The following COL19A1 variants were observed in gnomAD, a reference collection of about 807,000 sequenced individuals.
COL19A1 encodes the protein collagen alpha-1(XIX) chain.
COL19A1 carries 159 observed loss-of-function variants against 190.2 expected under a neutral mutation model. That is an observed-to-expected ratio of 0.84 (90% CI 0.73 to 0.95). The LOEUF (loss-of-function observed/expected upper bound fraction) is 0.95, where lower values mean the gene tolerates loss of function less well. Among genes scored for constraint, COL19A1 ranks in the 40% least tolerant of loss-of-function variants. COL19A1 has a pLI of 0.00. For missense variants in COL19A1, 1,418 were observed against 1,431.9 expected (o/e 0.99, Z 0.16); for synonymous variants, 509 against 458.9 (o/e 1.11, Z -1.39).
chr6:70,184,100 G>A (rs1766358284), intron 44 of COL19A1, among the ~76,000 whole-genome samples: 1 of 152,162 alleles, frequency 6.6e-6, no homozygotes, highest in Admixed American at 6.5e-5. Context: ...CAAAAACCAT[G>A]ATTATACATT....
intron 16 of COL19A1, among the ~76,000 whole-genome samples, chr6:70,120,329 A>C (rs1784816451): frequency 6.6e-6 from 1 of 152,150 alleles, no homozygotes; most frequent in African/African-American, 2.4e-5. Context: ...TATACCCCTA[A>C]GCCACCTCTT....
intron 35 of COL19A1, among the ~76,000 whole-genome samples, chr6:70,162,303 A>C (rs1233917595): frequency 9.6e-6 from 1 of 104,536 alleles, no homozygotes. Context: ...CAAACTGAGA[A>C]TTTATTTTCT....
intron 5 of COL19A1, among the ~76,000 whole-genome samples, chr6:69,928,518 C>A (rs1411534847): frequency 6.6e-6 from 1 of 152,102 alleles, no homozygotes; most frequent in African/African-American, 2.4e-5. Flanking sequence ...GAAAAGAGAT[C>A]TGAAAAACAG....
chr6:70,127,876 T>A (rs1416930574), intron 17 of COL19A1, among the ~76,000 whole-genome samples: 1 of 152,114 alleles, frequency 6.6e-6, no homozygotes, highest in African/African-American at 2.4e-5. Flanking sequence ...GAGATTTGGG[T>A]GGGGACACAG....
chr6:69,907,946 G>A (rs1582358496), intron 4 of COL19A1, among the ~76,000 whole-genome samples: 1 of 152,102 alleles, frequency 6.6e-6, no homozygotes, highest in Non-Finnish European at 1.5e-5. Context: ...CACAGTGCAA[G>A]GAAAAGCTAC....
intron 19 of COL19A1, 43 bp downstream of exon 19, chr6:70,137,790 AACGGGATTAAAAAT>A (rs1785961761): frequency 3.1e-6 from 5 of 1,592,712 alleles, no homozygotes; most frequent in Non-Finnish European, 4.3e-6. Context: ...ATATCTAAAA[AACGGGATTAAAAAT>A]ACGTTTCCAA....
intron 9 of COL19A1, among the ~76,000 whole-genome samples, chr6:69,953,361 A>T (rs1263556570): frequency 6.7e-6 from 1 of 149,576 alleles, no homozygotes; most frequent in African/African-American, 2.4e-5. Context: ...GAAAAAAATG[A>T]CCACAAAGAA....
chr6:70,060,946 C>T (rs1486476744), intron 14 of COL19A1, among the ~76,000 whole-genome samples: 5 of 152,078 alleles, frequency 3.3e-5, no homozygotes, highest in Non-Finnish European at 5.9e-5. Flanking sequence ...GAAGCACACA[C>T]ATAATGACCT....
chr6:70,163,294 G>A, intron 35 of COL19A1, 49 bp from the exon 36 acceptor site: 1 of 1,548,394 alleles, frequency 6.5e-7, no homozygotes, highest in South Asian at 1.1e-5. Context: ...AATACCCTTT[G>A]GCCATTTAAT....
intron 47 of COL19A1, among the ~76,000 whole-genome samples, chr6:70,190,048 G>A (rs1766760318): frequency 6.6e-6 from 1 of 152,210 alleles, no homozygotes; most frequent in Non-Finnish European, 1.5e-5. Context: ...ATAAAGCCAT[G>A]TGTCTCCATT....
At chr6:70,202,430 C>CA (rs1462051902) in intron 49 of COL19A1, among the ~76,000 whole-genome samples, 1 of 152,026 alleles carries the variant, frequency 6.6e-6, no homozygotes, top group African/African-American at 2.4e-5. Flanking sequence ...CTTATATTGG[C>CA]AAAAAACTTT....
intron 9 of COL19A1, among the ~76,000 whole-genome samples, chr6:69,945,019 C>T (rs577248353): frequency 2.0e-5 from 3 of 151,980 alleles, no homozygotes; most frequent in Admixed American, 2.0e-4. Context: ...ATTACTTTCT[C>T]AGTTCTTTAA....
In COL19A1 at chr6:70,115,823, TTG is replaced by T. The variant is rs1491265289; in HGVS notation, c.1279-6055_1279-6054del. ...TTTTTTTGTTTTGTTTTTTGGTGTT[TTG>T]TTTTTTTTTTTTTTTTTGGTGGGGA... On this transcript the variant is annotated intron_variant, in intron 16 of 50. Transcript: ENST00000620364. Among the ~76,000 whole-genome samples, 12 of 97,202 alleles carry T rather than the reference TTG, an allele frequency of 1.2e-4. No individual in the cohort carries two copies. The South Asian group carries it at 1.8e-3, about 14-fold the overall frequency. 63.8% of individuals were successfully genotyped at this position (97,202 alleles called of 152,430 possible).
At chr6:70,202,199 A>G (rs567994978) in intron 49 of COL19A1, among the ~76,000 whole-genome samples, 2 of 152,280 alleles carry the variant, frequency 1.3e-5, no homozygotes, top group East Asian at 3.9e-4. Flanking sequence ...TCTGCCACTC[A>G]TTCATCCTGT....
intron 11 of COL19A1, among the ~76,000 whole-genome samples, chr6:70,022,810 C>T (rs941770093): frequency 2.0e-5 from 3 of 152,106 alleles, no homozygotes; most frequent in African/African-American, 4.8e-5. Flanking sequence ...ATAATCCATT[C>T]GTTGTCTCTA....
At chr6:70,028,049 T>C (rs1052377918) in intron 12 of COL19A1, among the ~76,000 whole-genome samples, 1 of 152,144 alleles carries the variant, frequency 6.6e-6, no homozygotes, top group Non-Finnish European at 1.5e-5. Context: ...ATAATTTCAA[T>C]AGTACTTACT....
chr6:69,976,989 C>T (rs1422178525), intron 11 of COL19A1, among the ~76,000 whole-genome samples: 1 of 152,148 alleles, frequency 6.6e-6, no homozygotes, highest in Non-Finnish European at 1.5e-5. Context: ...GCTGATGTCC[C>T]TTTGAGTCAG....
At chr6:70,093,561 G>A (rs3806022) in intron 15 of COL19A1, among the ~76,000 whole-genome samples, 45,644 of 151,604 alleles carry the variant, frequency 0.3, 7,545 homozygotes, top group Non-Finnish European at 0.37. Flanking sequence ...CAGAAATCAG[G>A]CAAGCAGAGG....
intron 11 of COL19A1, among the ~76,000 whole-genome samples, chr6:69,973,167 A>G (rs767210441): frequency 1.3e-5 from 2 of 152,296 alleles, no homozygotes; most frequent in Admixed American, 6.5e-5. Flanking sequence ...CAATGTGCCT[A>G]CATTTTGCTT....
Sources: allele counts gnomAD v4.1 joint callset (sites outside exome capture counted in the v4.1 genomes callset), GRCh38; gene constraint gnomAD v4.1.1; transcripts MANE v1.5; gene names NCBI Gene and HGNC (gene_info 2026-07-23, HGNC 2026-07-21).